DNER: variants seen among roughly 807,000 people sequenced by gnomAD.
DNER encodes delta/notch like EGF repeat containing.
A neutral mutation model predicts 78.2 loss-of-function variants in DNER; 33 were observed. The observed-to-expected ratio is 0.42, with a 90% CI of 0.32 to 0.56. The LOEUF is 0.56. Ranked by LOEUF, DNER falls within the 20% of genes least tolerant of loss-of-function variation. The pLI, the probability that DNER is intolerant of heterozygous loss-of-function variation, is 0.11. For synonymous variants in DNER, 417 were observed against 384.8 expected, an observed-to-expected ratio of 1.08 and a Z score of -0.98; for missense variants, 918 against 975.3, an observed-to-expected ratio of 0.94 and a Z score of 0.78.
At chr2:229,461,613 ATAG>A (rs1298658271) in intron 7 of DNER, among the ~76,000 whole-genome samples, 2 of 152,112 alleles carry the variant, frequency 1.3e-5, no homozygotes, top group African/African-American at 2.4e-5. Context: ...AATAAAAATA[ATAG>A]TAGTATTTAT....
intron 3 of DNER, among the ~76,000 whole-genome samples, 185 bp from the exon 4 acceptor site, chr2:229,586,209 T>A (rs1328767077): frequency 4.6e-5 from 7 of 152,134 alleles, no homozygotes; most frequent in Admixed American, 4.6e-4. Context: ...GTTCACAGTG[T>A]ACCACAAAAT....
intron 11 of DNER, among the ~76,000 whole-genome samples, chr2:229,381,222 AG>A (rs1692728027): frequency 6.6e-6 from 1 of 151,976 alleles, no homozygotes; most frequent in Non-Finnish European, 1.5e-5. Context: ...CTGTGTCGTG[AG>A]GAACGGTGCA....
chr2:229,559,487 A>C (rs1273382657), intron 4 of DNER, among the ~76,000 whole-genome samples: 1 of 152,186 alleles, frequency 6.6e-6, no homozygotes, highest in African/African-American at 2.4e-5. Context: ...CTGTGACCTG[A>C]AGAACATAAA....
At chr2:229,517,749 G>A (rs748532652) in intron 5 of DNER, among the ~76,000 whole-genome samples, 4 of 152,166 alleles carry the variant, frequency 2.6e-5, no homozygotes, top group Admixed American at 6.5e-5. Flanking sequence ...TGTCACAGCC[G>A]AGGGCTTGCT....
chr2:229,484,155 C>T (rs1319924302), intron 6 of DNER, among the ~76,000 whole-genome samples: 7 of 152,204 alleles, frequency 4.6e-5, no homozygotes, highest in Non-Finnish European at 8.8e-5. Flanking sequence ...GTCCCAAAAT[C>T]AACCATATCT....
chr2:229,556,713 C>T (rs1696861006), intron 4 of DNER, among the ~76,000 whole-genome samples: 1 of 152,130 alleles, frequency 6.6e-6, no homozygotes, highest in African/African-American at 2.4e-5. Context: ...TCTGTATTAG[C>T]TTTATTTGCT....
chr2:229,475,682 G>A (rs6715897), intron 7 of DNER, among the ~76,000 whole-genome samples: 18,949 of 152,116 alleles, frequency 0.12, 1,329 homozygotes, highest in South Asian at 0.2. Flanking sequence ...TTTTTAGTTC[G>A]AGGGCCATTG....
intron 4 of DNER, among the ~76,000 whole-genome samples, chr2:229,585,427 G>A (rs1398690591): frequency 2.0e-5 from 3 of 152,092 alleles, no homozygotes; most frequent in African/African-American, 7.2e-5. Context: ...TCGGGAGGCT[G>A]AGGCAGGCAG....
intron 10 of DNER, among the ~76,000 whole-genome samples, chr2:229,395,237 C>T (rs1256545488): frequency 6.6e-6 from 1 of 152,170 alleles, no homozygotes; most frequent in Non-Finnish European, 1.5e-5. Context: ...GTTGATGGCA[C>T]TTGGCCGAAA....
chr2:229,548,228 G>T (rs1207317979), intron 4 of DNER, among the ~76,000 whole-genome samples: 2 of 152,140 alleles, frequency 1.3e-5, no homozygotes, highest in Non-Finnish European at 2.9e-5. Context: ...AGTAGGTTTG[G>T]ATCCCTCACA....
chr2:229,558,977 A>G (rs1696906015), intron 4 of DNER, among the ~76,000 whole-genome samples: 1 of 152,206 alleles, frequency 6.6e-6, no homozygotes, highest in South Asian at 2.1e-4. Context: ...CAGGGGAATA[A>G]CACACGACTG....
At chr2:229,456,306 C>A (rs1287734398) in intron 7 of DNER, among the ~76,000 whole-genome samples, 2 of 151,798 alleles carry the variant, frequency 1.3e-5, no homozygotes, top group Non-Finnish European at 2.9e-5. Flanking sequence ...GGGGATGGCA[C>A]TGAGTCACTC....
intron 1 of DNER, among the ~76,000 whole-genome samples, chr2:229,713,947 G>C (rs1301012455): frequency 6.6e-6 from 1 of 152,122 alleles, no homozygotes; most frequent in Non-Finnish European, 1.5e-5. Flanking sequence ...GGCCCCGCCC[G>C]GGAACCAGGG....
chr2:229,399,372 A>T (rs1186269222), intron 10 of DNER, among the ~76,000 whole-genome samples: 1 of 151,928 alleles, frequency 6.6e-6, no homozygotes, highest in African/African-American at 2.4e-5. Context: ...GTACAGGGAA[A>T]AAATGTTGAT....
chr2:229,644,030 G>A (rs889475259), intron 1 of DNER, among the ~76,000 whole-genome samples: 1 of 152,148 alleles, frequency 6.6e-6, no homozygotes, highest in African/African-American at 2.4e-5. Context: ...TTGCACAGCT[G>A]TGACTGTTCA....
intron 7 of DNER, among the ~76,000 whole-genome samples, chr2:229,464,794 A>G (rs1350378489): frequency 2.6e-5 from 4 of 152,156 alleles, no homozygotes; most frequent in Non-Finnish European, 4.4e-5. Flanking sequence ...GACCTAAGTG[A>G]CACAAGGGGG....
At chr2:229,586,647 C>A (rs1237925856) in intron 3 of DNER, 17 of 985,086 alleles carry the variant, frequency 1.7e-5, no homozygotes, top group Non-Finnish European at 1.9e-5. Context: ...TCCTCACAGC[C>A]CAATGCTTCA....
At chr2:229,450,274 G>T (rs1479150909) in intron 7 of DNER, among the ~76,000 whole-genome samples, 1 of 152,130 alleles carries the variant, frequency 6.6e-6, no homozygotes, top group Non-Finnish European at 1.5e-5. Flanking sequence ...GAACTTGATG[G>T]AAAGAATATC....
chr2:229,692,812 C>A (rs969918208), intron 1 of DNER, among the ~76,000 whole-genome samples: 2 of 152,024 alleles, frequency 1.3e-5, no homozygotes, highest in Non-Finnish European at 2.9e-5. Flanking sequence ...CTTTGATCAG[C>A]ATCTTTTATA....
Sources: gnomAD v4.1 joint callset for allele counts (sites outside exome capture counted in the v4.1 genomes callset) on GRCh38, gnomAD v4.1.1 for gene constraint, MANE v1.5 for transcripts, NCBI Gene and HGNC (gene_info 2026-07-23, HGNC 2026-07-21) for gene names.